Variants in CNTN4 observed in about 807,000 individuals in gnomAD.
CNTN4 encodes contactin-4.
A neutral mutation model predicts 122.5 loss-of-function variants in CNTN4; 77 were observed. That is an observed-to-expected ratio of 0.63 (90% CI 0.52 to 0.76). The LOEUF (loss-of-function observed/expected upper bound fraction) is 0.76, where lower values mean the gene tolerates loss of function less well. CNTN4 is among the 30% of genes least tolerant of loss of function. The pLI, the probability that CNTN4 is intolerant of heterozygous loss-of-function variation, is 0.00. For synonymous variants in CNTN4, 512 were observed against 447.0 expected, an observed-to-expected ratio of 1.15 and a Z score of -1.83; for missense variants, 1,256 against 1,259.1, an observed-to-expected ratio of 1.00 and a Z score of 0.04.
At chr3:2,664,838 C>G (rs142098978) in intron 4 of CNTN4, among the ~76,000 whole-genome samples, 1 of 152,098 alleles carries the variant, frequency 6.6e-6, no homozygotes, top group Non-Finnish European at 1.5e-5. Context: ...TAATAGAATG[C>G]GATGAGTGAA....
rs546972469 is a variant in CNTN4, at chr3:2,766,428, G to C, written c.358+20731G>C. 9.8e-5 allele frequency among the ~76,000 whole-genome samples: 15 copies of C among 152,292 alleles called. 1 individual carries two copies. Among genetic ancestry groups the C allele is most frequent in the African/African-American group, 3.4e-4 (14 of 41,560 alleles). The stretch of plus-strand genomic sequence containing the variant: ...CCACTCAACCATAAAAAGAGAATGA[G>C]TTAGTGGCATTCGCAGCAACCTGGA... On this transcript the variant is annotated intron_variant, in intron 6 of 24. Transcript: ENST00000418658.
At chr3:2,695,306 A>G (rs2085965059) in intron 4 of CNTN4, among the ~76,000 whole-genome samples, 1 of 152,284 alleles carries the variant, frequency 6.6e-6, no homozygotes, top group South Asian at 2.1e-4. Flanking sequence ...GCCTCTCTCT[A>G]ACATCTTCCA....
chr3:2,574,864 C>G (rs1329675285), intron 4 of CNTN4, among the ~76,000 whole-genome samples: 1 of 151,788 alleles, frequency 6.6e-6, no homozygotes, highest in Non-Finnish European at 1.5e-5. Context: ...TCTACAAACT[C>G]CTAATTCTCT....
At chr3:2,253,032 G>A (rs2040436564) in intron 2 of CNTN4, among the ~76,000 whole-genome samples, 1 of 152,018 alleles carries the variant, frequency 6.6e-6, no homozygotes, top group Non-Finnish European at 1.5e-5. Context: ...GTAGTTGTTT[G>A]ATTAGTTTCA....
At chr3:2,889,576 A>C (rs565373115) in intron 10 of CNTN4, among the ~76,000 whole-genome samples, 1 of 152,240 alleles carries the variant, frequency 6.6e-6, no homozygotes, top group African/African-American at 2.4e-5. Context: ...CACCAATGTA[A>C]TAATTATTTT....
intron 2 of CNTN4, among the ~76,000 whole-genome samples, chr3:2,306,755 G>T (rs1261225835): frequency 6.6e-6 from 1 of 151,968 alleles, no homozygotes; most frequent in Non-Finnish European, 1.5e-5. Flanking sequence ...ATGAACACGG[G>T]ATGTCTTCCC....
At chr3:2,848,116 T>A (rs1424813975) in intron 7 of CNTN4, among the ~76,000 whole-genome samples, 1 of 152,106 alleles carries the variant, frequency 6.6e-6, no homozygotes, top group Non-Finnish European at 1.5e-5. Context: ...CTGGGCATAG[T>A]GGCATACACC....
intron 2 of CNTN4, among the ~76,000 whole-genome samples, chr3:2,300,751 C>T (rs1464956147): frequency 6.6e-6 from 1 of 151,292 alleles, no homozygotes; most frequent in Non-Finnish European, 1.5e-5. Flanking sequence ...TTTGTATTTT[C>T]GTAGAGATGG....
At chr3:2,578,317 T>G (rs919675971) in intron 4 of CNTN4, among the ~76,000 whole-genome samples, 8 of 152,150 alleles carry the variant, frequency 5.3e-5, no homozygotes, top group Non-Finnish European at 1.2e-4. Context: ...CCAGTATTTG[T>G]TAATGTTGAT....
chr3:2,764,210 G>A (rs562293208), intron 6 of CNTN4, among the ~76,000 whole-genome samples: 4 of 152,102 alleles, frequency 2.6e-5, no homozygotes, highest in Non-Finnish European at 5.9e-5. Flanking sequence ...TGTTCATCAA[G>A]TAATCACACT....
chr3:2,671,572 A>T (rs1417426734), intron 4 of CNTN4, among the ~76,000 whole-genome samples: 1 of 152,088 alleles, frequency 6.6e-6, no homozygotes, highest in African/African-American at 2.4e-5. Context: ...GATCATCTGA[A>T]GCCTTCTTCT....
chr3:2,902,744 A>G lies in CNTN4; in HGVS notation c.1078-132A>G, dbSNP rs2094188408. On this transcript the variant is annotated intron_variant, in intron 11 of 24. Transcript: ENST00000418658. ...AATTTAGCTGACAGATAAATAGATCATGTTATGTAAATTGCTTATATGATG... is the reference window on the plus strand; with the variant it reads ...AATTTAGCTGACAGATAAATAGATCGTGTTATGTAAATTGCTTATATGATG... 6 of 879,482 alleles carry G rather than the reference A, an allele frequency of 6.8e-6. No individual in the cohort carries two copies. The Admixed American group carries it at 8.3e-5, about 12-fold the overall frequency. The allele number at this position is 879,482 out of a possible 1,614,324, so 54.5% of individuals were successfully genotyped here. A position where few individuals can be genotyped will look rare whatever the true frequency, so the allele number is the denominator to read the frequency against.
intron 13 of CNTN4, among the ~76,000 whole-genome samples, chr3:2,983,128 G>A (rs150527881): frequency 0.03 from 4,265 of 141,660 alleles, 80 homozygotes; most frequent in Non-Finnish European, 0.043. Context: ...ACAGGAGAAT[G>A]GTATGAACCC....
intron 4 of CNTN4, among the ~76,000 whole-genome samples, chr3:2,574,632 C>T (rs949344160): frequency 6.6e-6 from 1 of 152,092 alleles, no homozygotes; most frequent in Non-Finnish European, 1.5e-5. Context: ...CTTCATTATT[C>T]TTCTTCTTCA....
chr3:3,011,441 G>A (rs1697219947), intron 14 of CNTN4, among the ~76,000 whole-genome samples: 1 of 152,154 alleles, frequency 6.6e-6, no homozygotes. Flanking sequence ...TGGAGGTCCT[G>A]AAATGTGGAT....
intron 12 of CNTN4, among the ~76,000 whole-genome samples, chr3:2,904,470 C>G (rs1045458752): frequency 1.3e-5 from 2 of 152,216 alleles, no homozygotes; most frequent in Non-Finnish European, 2.9e-5. Context: ...TCAAAGATAA[C>G]GATTGTGAGA....
intron 4 of CNTN4, among the ~76,000 whole-genome samples, chr3:2,691,628 C>A (rs2085745029): frequency 6.6e-6 from 1 of 152,138 alleles, no homozygotes; most frequent in Admixed American, 6.6e-5. Context: ...AATATTTCAT[C>A]ACGCTATTTA....
At chr3:2,632,066 A>G (rs201722805) in intron 4 of CNTN4, among the ~76,000 whole-genome samples, 18,613 of 149,172 alleles carry the variant, frequency 0.12, 1,212 homozygotes, top group South Asian at 0.24. Flanking sequence ...ACACATACGC[A>G]CACACACACA....
At chr3:2,135,108 C>T (rs755096350) in intron 2 of CNTN4, among the ~76,000 whole-genome samples, 2 of 152,018 alleles carry the variant, frequency 1.3e-5, no homozygotes, top group Non-Finnish European at 2.9e-5. Flanking sequence ...GTGAAATTCT[C>T]AAAATAAAAA....
Sources: allele counts gnomAD v4.1 joint callset (sites outside exome capture counted in the v4.1 genomes callset), GRCh38; gene constraint gnomAD v4.1.1; transcripts MANE v1.5; gene names NCBI Gene and HGNC (gene_info 2026-07-23, HGNC 2026-07-21).